FHOD3: variants seen among roughly 807,000 people sequenced by gnomAD.
FHOD3 encodes formin homology 2 domain containing 3, also known as FH1/FH2 domain-containing protein 3.
Under a neutral mutation model 173.0 loss-of-function variants are expected in FHOD3, and 90 were observed. The ratio of observed to expected loss-of-function variants is 0.52; its 90% CI spans 0.44 to 0.62. The LOEUF is 0.62. Among genes scored for constraint, FHOD3 ranks in the 20% least tolerant of loss-of-function variants. The pLI is 0.00. For synonymous variants in FHOD3, 828 were observed against 823.0 expected, an observed-to-expected ratio of 1.01 and a Z score of -0.10; for missense variants, 1,945 against 2,034.7, an observed-to-expected ratio of 0.96 and a Z score of 0.85.
chr18:36,760,853 C>T (rs1327431560), intron 27 of FHOD3, 71 bp downstream of exon 27: 2 of 1,463,752 alleles, frequency 1.4e-6, no homozygotes, highest in African/African-American at 1.4e-5. Context: ...CGGTCTCCAT[C>T]GCAGGCTGCG....
intron 5 of FHOD3, among the ~76,000 whole-genome samples, chr18:36,568,849 C>A (rs1049162157): frequency 9.2e-5 from 14 of 152,132 alleles, no homozygotes; most frequent in East Asian, 7.7e-4. Context: ...AAAATCCCAA[C>A]TTGCATGGGA....
chr18:36,760,671 G>A lies in FHOD3; in HGVS notation c.4513G>A (p.Glu1505Lys). 2 of 1,613,294 alleles carry A rather than the reference G, an allele frequency of 1.2e-6. No homozygotes were observed. Among genetic ancestry groups the A allele is most frequent in the South Asian group, 1.1e-5 (1 of 91,068 alleles). ...CCAGCCGCAGGGTCTGAGCTATGCG[G>A]AGGACGCGGCTGAGCACGAGAACAT... ...PSQPQGLSYA[E>K]DAAEHENMKA... Residue 1505 changes from glutamate to lysine, a missense_variant, in exon 27 of 29, where the codon GAG becomes AAG. Transcript: ENST00000590592.
At chr18:36,584,784 GC>G (rs1294503376) in intron 6 of FHOD3, among the ~76,000 whole-genome samples, 5 of 151,958 alleles carry the variant, frequency 3.3e-5, no homozygotes, top group African/African-American at 9.7e-5. Flanking sequence ...AACTAAAATA[GC>G]TAAAGTTTAC....
chr18:36,379,812 C>T (rs1291905482), intron 3 of FHOD3, among the ~76,000 whole-genome samples: 7 of 152,198 alleles, frequency 4.6e-5, no homozygotes, highest in African/African-American at 1.7e-4. Context: ...CTCTGAGTGC[C>T]TTTGGCTGTC....
chr18:36,345,036 A>G (rs1046663419), intron 1 of FHOD3, among the ~76,000 whole-genome samples: 1 of 152,206 alleles, frequency 6.6e-6, no homozygotes, highest in African/African-American at 2.4e-5. Flanking sequence ...AAAAATAGAA[A>G]AATTCACAGT....
intron 4 of FHOD3, among the ~76,000 whole-genome samples, chr18:36,505,173 T>G (rs764442236): frequency 1.3e-5 from 2 of 152,268 alleles, no homozygotes; most frequent in Non-Finnish European, 2.9e-5. Context: ...TTCTGTGCTC[T>G]GTGGTATAAA....
In FHOD3 at chr18:36,372,755, C is replaced by T; in HGVS notation, c.337+11C>T. ...TCCATGCCTGCATCGGTGAGTGACA[C>T]CTGCCCTCAGGAACTAAACATATGA... On this transcript the variant is annotated intron_variant, in intron 3 of 28. Transcript: ENST00000590592. The T allele has an allele frequency of 6.2e-7, 1 of 1,612,246 alleles. No individual in the cohort carries two copies. The highest frequency in any genetic ancestry group is 8.5e-7 in the Non-Finnish European group (1 of 1,178,502).
At chr18:36,693,485 C>T in intron 17 of FHOD3, 62 bp downstream of exon 17, 1 of 1,426,816 alleles carries the variant, frequency 7.0e-7, no homozygotes, top group Non-Finnish European at 9.7e-7. Context: ...TTCCTCAGGG[C>T]AGTAGTGATG....
At chr18:36,689,005 T>A (rs2038799300) in intron 16 of FHOD3, among the ~76,000 whole-genome samples, 1 of 152,188 alleles carries the variant, frequency 6.6e-6, no homozygotes, top group Non-Finnish European at 1.5e-5. Context: ...CCAGGCCCAC[T>A]GTGGGATTCT....
At chr18:36,613,954 T>C (rs2039435322) in intron 9 of FHOD3, among the ~76,000 whole-genome samples, 1 of 152,174 alleles carries the variant, frequency 6.6e-6, no homozygotes, top group Non-Finnish European at 1.5e-5. Flanking sequence ...ATTACAAGTG[T>C]GAGCCACTGT....
intron 6 of FHOD3, among the ~76,000 whole-genome samples, chr18:36,589,803 C>T (rs1216799006): frequency 6.6e-6 from 1 of 152,108 alleles, no homozygotes; most frequent in Non-Finnish European, 1.5e-5. Context: ...TCCTGTGTGA[C>T]TGCTTTGTGA....
chr18:36,589,387 T>C (rs955025584), intron 6 of FHOD3, among the ~76,000 whole-genome samples: 1 of 152,152 alleles, frequency 6.6e-6, no homozygotes, highest in Non-Finnish European at 1.5e-5. Flanking sequence ...TCCAGTGTGT[T>C]TCTCCAGCCC....
chr18:36,422,095 G>C (rs2050016493), intron 3 of FHOD3, among the ~76,000 whole-genome samples: 1 of 152,262 alleles, frequency 6.6e-6, no homozygotes, highest in South Asian at 2.1e-4. Context: ...ATCTCATGTT[G>C]TTATTCCCTC....
At chr18:36,457,879 T>C (rs2052314381) in intron 3 of FHOD3, among the ~76,000 whole-genome samples, 2 of 152,242 alleles carry the variant, frequency 1.3e-5, no homozygotes, top group South Asian at 2.1e-4. Context: ...AGACTAATTA[T>C]AGCCTCATTA....
chr18:36,690,880 C>T (rs1366819864), intron 16 of FHOD3, among the ~76,000 whole-genome samples: 7 of 152,270 alleles, frequency 4.6e-5, no homozygotes, highest in Non-Finnish European at 4.4e-5. Flanking sequence ...AAAACTGAAC[C>T]TCTTTATCCA....
chr18:36,598,357 CA>C (rs1431169574), intron 7 of FHOD3, among the ~76,000 whole-genome samples: 1 of 152,054 alleles, frequency 6.6e-6, no homozygotes, highest in African/African-American at 2.4e-5. Context: ...TGAAGTTGTC[CA>C]GAACAAATTC....
At chr18:36,689,029 C>T (rs1414824180) in intron 16 of FHOD3, among the ~76,000 whole-genome samples, 6 of 152,196 alleles carry the variant, frequency 3.9e-5, no homozygotes, top group Admixed American at 3.9e-4. Context: ...CTTGAAGCCA[C>T]CTCTCTGTTT....
At chr18:36,620,019 A>G (rs1365952269) in intron 9 of FHOD3, among the ~76,000 whole-genome samples, 1 of 152,194 alleles carries the variant, frequency 6.6e-6, no homozygotes, top group Non-Finnish European at 1.5e-5. Context: ...CCCCATTCCA[A>G]ACTCCCACTG....
At position 36,612,204 on chromosome 18, in the gene FHOD3, A is replaced by G; in HGVS notation, c.957+109A>G. The stretch of plus-strand genomic sequence containing the variant: ...TAAAGCGTATGAGCACCACCAGCTT[A>G]TTAGAAACTCAGCATCGTAGGCTTC... On this transcript the variant is annotated intron_variant, in intron 9 of 28. Transcript: ENST00000590592. The G allele has an allele frequency of 4.2e-6, 5 of 1,195,654 alleles. No homozygotes were observed. The South Asian group carries it at 7.8e-5, about 19-fold the overall frequency. The allele number at this position is 1,195,654 out of a possible 1,614,324, so 74.1% of individuals were successfully genotyped here. A position where few individuals can be genotyped will look rare whatever the true frequency, so the allele number is the denominator to read the frequency against.
Sources: gnomAD v4.1 joint callset for allele counts (sites outside exome capture counted in the v4.1 genomes callset) on GRCh38, gnomAD v4.1.1 for gene constraint, MANE v1.5 for transcripts, NCBI Gene and HGNC (gene_info 2026-07-23, HGNC 2026-07-21) for gene names.